The following AK2 variants were observed in gnomAD, a reference collection of about 807,000 sequenced individuals.
AK2 encodes adenylate kinase 2, mitochondrial.
Under a neutral mutation model 24.6 loss-of-function variants are expected in AK2, and 15 were observed. The ratio of observed to expected loss-of-function variants is 0.61; its 90% confidence interval spans 0.41 to 0.94. The LOEUF (loss-of-function observed/expected upper bound fraction) is 0.94. Ranked by LOEUF, AK2 falls within the 40% of genes least tolerant of loss-of-function variation. AK2 has a pLI of 0.00. For synonymous variants in AK2, 102 were observed against 114.0 expected (o/e 0.90, Z 0.67); for missense variants, 257 against 304.1 (o/e 0.85, Z 1.15).
chr1:33,025,641 G>A (rs573708947), intron 1 of AK2, among the ~76,000 whole-genome samples: 2 of 152,326 alleles, frequency 1.3e-5, no homozygotes, highest in African/African-American at 4.8e-5. Context: ...GAGTTAAACT[G>A]CTGGTTTGCA....
At chr1:33,016,995 G>A (rs889016618) in intron 4 of AK2, among the ~76,000 whole-genome samples, 26 of 151,376 alleles carry the variant, frequency 1.7e-4, no homozygotes, top group African/African-American at 3.9e-4. Flanking sequence ...GTGAGCCACC[G>A]CGCCCGGTCT....
chr1:33,013,516 A>G, intron 5 of AK2, 114 bp from the exon 6 acceptor site: 1 of 1,533,604 alleles, frequency 6.5e-7, no homozygotes, highest in Non-Finnish European at 8.8e-7. Context: ...GTCTGTTCCC[A>G]AAGCCCATCA....
Position 33,021,723 on chromosome 1 carries a change from T to C in AK2, c.220-20A>G, listed in dbSNP as rs1199198851. 1.9e-6 allele frequency: 3 copies of C among 1,586,484 alleles called. No individual in the cohort carries two copies. The highest frequency in any genetic ancestry group is 2.7e-5 in the African/African-American group (2 of 74,314). ...ACTCACCTGGAAGTTAGGAACAAAA[T>C]AGCCTTGGGTTTAAATCCATTACCT... On this transcript the variant is annotated intron_variant, in intron 2 of 5. Transcript: ENST00000672715.
In AK2 at chr1:33,019,769, A is replaced by G. The variant is rs375397444; in HGVS notation, c.425+1598T>C. ...TTTTTTCCCTAATCCAAAAATTTAC[A>G]TGCATTATGATGGCCATAGTATCAT... On this transcript the variant is annotated intron_variant, in intron 4 of 5. Coordinates refer to ENST00000672715, the MANE Select transcript of AK2 (RefSeq NM_001625.4). The G allele has an allele frequency of 2.6e-5, 27 of 1,052,918 alleles. No individual in the cohort carries two copies. The South Asian group carries it at 4.3e-4, about 17-fold the overall frequency. 65.2% of individuals were successfully genotyped at this position (1,052,918 alleles called of 1,614,324 possible). A position where few individuals can be genotyped will look rare whatever the true frequency, so the allele number is the denominator to read the frequency against.
rs1360938976 is a variant in AK2, at chr1:33,033,601, TTA to T, written c.93+3133_93+3134del. Among the ~76,000 whole-genome samples the T allele has an allele frequency of 4.6e-5, 7 of 152,358 alleles. No individual in the cohort carries two copies. In the East Asian group the frequency reaches 1.3e-3, roughly 29 times the overall value. ...GTTGATTTTTTAAAGGATATTATGC[TTA>T]TGTTTTTAAAAATTATCTTTTAGCA... On this transcript the variant is annotated intron_variant, in intron 1 of 5. Coordinates refer to ENST00000672715, the MANE Select transcript of AK2 (RefSeq NM_001625.4).
intron 1 of AK2, among the ~76,000 whole-genome samples, chr1:33,027,238 T>C (rs530040928): frequency 4.3e-4 from 65 of 152,346 alleles, no homozygotes; most frequent in Non-Finnish European, 5.0e-4. Flanking sequence ...TTTCTGCCAA[T>C]CTTTCTCATT....
chr1:33,020,245 G>T (rs1639453713), intron 4 of AK2: 1 of 1,062,078 alleles, frequency 9.4e-7, no homozygotes, highest in African/African-American at 1.6e-5. Flanking sequence ...GCTGTACTAT[G>T]AGCAAATTCT....
chr1:33,011,866 C>G lies in AK2; in HGVS notation c.*1315G>C. On this transcript the variant is annotated 3_prime_UTR_variant, in exon 6 of 6. Transcript: ENST00000672715. Reference sequence around the variant, plus strand: ...TTCTTGGGGAAGTCCATGGCTATAGCCATCATAAAATTAGGGGTGAAGGGT... The same window carrying G: ...TTCTTGGGGAAGTCCATGGCTATAGGCATCATAAAATTAGGGGTGAAGGGT... 6.6e-7 allele frequency: 1 copy of G among 1,526,228 alleles called. No individual in the cohort carries two copies. Among genetic ancestry groups the G allele is most frequent in the East Asian group, 2.5e-5 (1 of 40,430 alleles). 94.5% of individuals were successfully genotyped at this position (1,526,228 alleles called of 1,614,324 possible).
chr1:33,017,593 G>C (rs1011048921), intron 4 of AK2, among the ~76,000 whole-genome samples: 2 of 152,048 alleles, frequency 1.3e-5, no homozygotes, highest in Non-Finnish European at 1.5e-5. Flanking sequence ...ACAATACAAG[G>C]CTCATTCCAC....
Position 33,026,535 on chromosome 1 carries a change from G to A in AK2, c.94-1968C>T, listed in dbSNP as rs550222003. The stretch of plus-strand genomic sequence containing the variant: ...CATTAAAAACTGTACTTGGCCGGGT[G>A]CAGTGGCTCACGCCTGTAATCCCAG... On this transcript the variant is annotated intron_variant, in intron 1 of 5. Transcript: ENST00000672715. Among the ~76,000 whole-genome samples the A allele has an allele frequency of 1.6e-4, 24 of 152,362 alleles. No homozygotes were observed. In the South Asian group the frequency reaches 5.0e-3, roughly 32 times the overall value.
chr1:33,024,836 T>C (rs1639772767), intron 1 of AK2, among the ~76,000 whole-genome samples: 1 of 152,156 alleles, frequency 6.6e-6, no homozygotes, highest in Non-Finnish European at 1.5e-5. Flanking sequence ...AAATATTAAT[T>C]ATCACTATTT....
chr1:33,009,171 AAAG>A lies in AK2; in HGVS notation c.*4007_*4009del, dbSNP rs1226938544. Reference sequence around the variant, plus strand: ...TGCCTCTCTCTGTAACAAGATGCCTAAAGAAGAATAGTGGTGCTTCCAGCCCAG... The same window carrying A: ...TGCCTCTCTCTGTAACAAGATGCCTAAAGAATAGTGGTGCTTCCAGCCCAG... On this transcript the variant is annotated 3_prime_UTR_variant, in exon 6 of 6. Transcript: ENST00000672715. 3.8e-5 allele frequency: 17 copies of A among 452,660 alleles called. No individual in the cohort carries two copies. Among genetic ancestry groups the A allele is most frequent in the South Asian group, 1.2e-4 (8 of 64,330 alleles). The allele number at this position is 452,660 out of a possible 1,614,324, so 28.0% of individuals were successfully genotyped here. A position where few individuals can be genotyped will look rare whatever the true frequency, so the allele number is the denominator to read the frequency against.
rs1557640228 is a variant in AK2 at position 33,036,830 on chromosome 1, T to G, written c.-2A>C. The G allele has an allele frequency of 6.3e-6, 10 of 1,586,558 alleles. No homozygotes were observed. The South Asian group carries it at 1.1e-4, about 18-fold the overall frequency. On this transcript the variant is annotated 5_prime_UTR_variant, in exon 1 of 6. Coordinates refer to ENST00000672715, the MANE Select transcript of AK2 (RefSeq NM_001625.4). ...TGCCGCTGGCACGCTGGGAGCCATG[T>G]CCGCCGAAGTCTCTCACTGCCACCA...
At chr1:33,032,782 TAGAG>T (rs1640322829) in intron 1 of AK2, among the ~76,000 whole-genome samples, 1 of 152,008 alleles carries the variant, frequency 6.6e-6, no homozygotes, top group Non-Finnish European at 1.5e-5. Context: ...TTACAGGAAA[TAGAG>T]AGGGCAGAGG....
At position 33,008,887 on chromosome 1, in the gene AK2, G is replaced by A. The variant is rs1293757303; in HGVS notation, c.*4294C>T. On this transcript the variant is annotated 3_prime_UTR_variant, in exon 6 of 6. Transcript: ENST00000672715. ...AAGCAAACAAACAATAGCTCACCCA[G>A]TCTTCTCTGTTTATTCTTCTCAACT... The A allele has an allele frequency of 2.2e-6, 1 of 453,976 alleles. No individual in the cohort carries two copies. The highest frequency in any genetic ancestry group is 4.4e-6 in the Non-Finnish European group (1 of 226,788). The allele number at this position is 453,976 out of a possible 1,614,324, so 28.1% of individuals were successfully genotyped here. A position where few individuals can be genotyped will look rare whatever the true frequency, so the allele number is the denominator to read the frequency against.
rs1324483955 is a variant in AK2 at position 33,012,485 on chromosome 1, TC to T, written c.*695del. On this transcript the variant is annotated 3_prime_UTR_variant, in exon 6 of 6. Transcript: ENST00000672715. ...GCCTGACTTCACATGATCCTGGACT[TC>T]TAATCAGCTGCTGGAAATGGAAGAA... 3 of 1,392,876 alleles carry T rather than the reference TC, an allele frequency of 2.2e-6. No homozygotes were observed. The African/African-American group carries it at 4.3e-5, about 20-fold the overall frequency. 86.3% of individuals were successfully genotyped at this position (1,392,876 alleles called of 1,614,324 possible). A position where few individuals can be genotyped will look rare whatever the true frequency, so the allele number is the denominator to read the frequency against.
Position 33,013,313 on chromosome 1 carries a change from T to G in AK2, c.588A>C (p.Pro196=). The G allele has an allele frequency of 6.2e-7, 1 of 1,613,774 alleles. No homozygotes were observed. The highest frequency in any genetic ancestry group is 1.3e-5 in the African/African-American group (1 of 74,924). Residue 196 remains proline, a synonymous_variant, in exon 6 of 6, where the codon CCA becomes CCC. Coordinates refer to ENST00000672715, the MANE Select transcript of AK2 (RefSeq NM_001625.4). ...RLQAYHTQTT[P]LIEYYRKRGI... ...CCCGTTTCCTGTAGTACTCTATGAG[T>G]GGGGTGGTTTGAGTGTGGTAGGCTT... is the stretch of plus-strand genomic sequence containing the variant.
rs1029331029 is a variant in AK2, at chr1:33,014,443, G to A, written c.498+79C>T. On this transcript the variant is annotated intron_variant, in intron 5 of 5. Coordinates refer to ENST00000672715, the MANE Select transcript of AK2 (RefSeq NM_001625.4). ...TATTGGTAGAAATAAAAGGAAGATG[G>A]AAAGAATAAAGGAAAAAGAAAAACA... 1.1e-5 allele frequency: 13 copies of A among 1,147,576 alleles called. No homozygotes were observed. In the African/African-American group the frequency reaches 2.0e-4, roughly 18 times the overall value. The allele number at this position is 1,147,576 out of a possible 1,614,324, so 71.1% of individuals were successfully genotyped here.
intron 4 of AK2, chr1:33,019,867 T>G (rs1019667526): frequency 2.3e-6 from 3 of 1,303,406 alleles, no homozygotes; most frequent in Non-Finnish European, 1.9e-6. Context: ...GTTAACCTAC[T>G]GTGAAATATT....
Sources: allele counts gnomAD v4.1 joint callset (sites outside exome capture counted in the v4.1 genomes callset), GRCh38; gene constraint gnomAD v4.1.1; transcripts MANE v1.5; gene names NCBI Gene and HGNC (gene_info 2026-07-23, HGNC 2026-07-21).